Variants in EGLN2 observed in about 807,000 individuals in gnomAD.
The protein encoded by EGLN2 is prolyl hydroxylase EGLN2.
A neutral mutation model predicts 38.2 loss-of-function variants in EGLN2; 15 were observed. The observed-to-expected ratio is 0.39, with a 90% CI of 0.26 to 0.60. The LOEUF (loss-of-function observed/expected upper bound fraction) is 0.60. EGLN2 is among the 20% of genes least tolerant of loss of function. The pLI, the probability that EGLN2 is intolerant of heterozygous loss-of-function variation, is 0.50. For missense variants in EGLN2, 492 were observed against 570.4 expected (o/e 0.86, Z 1.40); for synonymous variants, 284 against 237.4 (o/e 1.20, Z -1.81).
intron 1 of EGLN2, 74 bp from the exon 2 acceptor site, chr19:40,800,265 A>G (rs1052499323): frequency 3.1e-5 from 11 of 359,506 alleles, no homozygotes; most frequent in Non-Finnish European, 5.2e-5. Context: ...ACTCCTGCCC[A>G]TACCATCCCG....
intron 2 of EGLN2, among the ~76,000 whole-genome samples, chr19:40,801,651 C>CTT (rs58809253): frequency 0.03 from 3,113 of 102,434 alleles, 67 homozygotes; most frequent in Non-Finnish European, 0.041. Flanking sequence ...CACAGTGGTT[C>CTT]TTTTTTTTTT....
chr19:40,801,550 G>T, intron 2 of EGLN2, 135 bp downstream of exon 2: 1 of 1,292,320 alleles, frequency 7.7e-7, no homozygotes, highest in Non-Finnish European at 1.0e-6. Context: ...AGTGGAGTGG[G>T]TATGCTTACT....
chr19:40,806,679 G>A lies in EGLN2; in HGVS notation c.963+5G>A. ...AATCAGAACTGGGACGTTAAGGTAG[G>A]GGTGAGGGTGAGGGTGAGGGTGGCG... On this transcript the variant is annotated splice_donor_5th_base_variant and intron_variant, in intron 3 of 5. Transcript: ENST00000303961. 1 of 1,611,628 alleles carries A rather than the reference G, an allele frequency of 6.2e-7. No individual in the cohort carries two copies. The highest frequency in any genetic ancestry group is 1.1e-5 in the South Asian group (1 of 90,964).
intron 3 of EGLN2, 148 bp from the exon 4 acceptor site, chr19:40,806,990 C>A: frequency 8.0e-7 from 1 of 1,255,962 alleles, no homozygotes; most frequent in Non-Finnish European, 1.1e-6. Context: ...GTGATGCAGT[C>A]TCTGGGTTGT....
intron 2 of EGLN2, 91 bp downstream of exon 2, chr19:40,801,506 G>C (rs1199293490): frequency 6.6e-7 from 1 of 1,515,520 alleles, no homozygotes; most frequent in African/African-American, 1.4e-5. Flanking sequence ...TTGGAGACAG[G>C]CTTCTGGGAG....
chr19:40,802,366 C>T (rs1219708690), intron 2 of EGLN2, among the ~76,000 whole-genome samples: 2 of 152,162 alleles, frequency 1.3e-5, no homozygotes, highest in Non-Finnish European at 2.9e-5. Flanking sequence ...CCATGTCTCC[C>T]ACCCTTCACT....
intron 1 of EGLN2, 34 bp from the exon 2 acceptor site, chr19:40,800,305 C>T (rs2083244590): frequency 2.3e-6 from 1 of 440,440 alleles, no homozygotes; most frequent in East Asian, 3.5e-5. Context: ...TCTCTAGTTT[C>T]TCTCACATCC....
rs920211641 is a variant in EGLN2 at position 40,807,824 on chromosome 19, G to A, written c.1184G>A (p.Gly395Asp). Residue 395 changes from glycine to aspartate, a missense_variant, in exon 6 of 6, where the codon GGT becomes GAT. Physicochemically the swap from Gly to Asp is moderately conservative, Grantham distance 94 (BLOSUM62 -1). Transcript: ENST00000303961. ...DKYQLASGQK[G>D]VQVPVSQPPT... ...TCACCCCCAGCATCAGGACAGAAAG[G>A]TGTCCAAGTACCTGTATCACAGCCG... is the stretch of plus-strand genomic sequence containing the variant. 6.2e-7 allele frequency: 1 copy of A among 1,614,128 alleles called. No individual in the cohort carries two copies. Among genetic ancestry groups the A allele is most frequent in the Admixed American group, 1.7e-5 (1 of 59,998 alleles).
Position 40,800,914 on chromosome 19 carries a change from T to A in EGLN2, c.342T>A (p.Pro114=). 9 of 1,609,612 alleles carry A rather than the reference T, an allele frequency of 5.6e-6. No individual in the cohort carries two copies. The highest frequency in any genetic ancestry group is 6.8e-6 in the Non-Finnish European group (8 of 1,178,458). ...GATTGGCAGCCCAGGGCGCACGGCC[T>A]GAGGCCCCCAAACGGAAATGGGCCG... ...CQRLAAQGAR[P]EAPKRKWAED... Residue 114 remains proline, a synonymous_variant, in exon 2 of 6, where the codon CCT becomes CCA. Transcript: ENST00000303961.
chr19:40,799,632 TCTCCGGGTGCGTGCACCCTC>T (rs1167244961), intron 1 of EGLN2: 1 of 152,098 alleles, frequency 6.6e-6, no homozygotes, highest in African/African-American at 2.4e-5. Context: ...TCTCGTCCTG[TCTCCGGGTGCGTGCACCCTC>T]CTCCGTCCTT....
Position 40,800,996 on chromosome 19 carries a change from C to G in EGLN2, c.424C>G (p.Gln142Glu), listed in dbSNP as rs1403893583. 1.2e-6 allele frequency: 2 copies of G among 1,612,714 alleles called. No homozygotes were observed. Among genetic ancestry groups the G allele is most frequent in the East Asian group, 2.2e-5 (1 of 44,874 alleles). Residue 142 changes from glutamine to glutamate, a missense_variant, in exon 2 of 6, where the codon CAG becomes GAG. Physicochemically the swap from Gln to Glu is conservative, Grantham distance 29 (BLOSUM62 2). Transcript: ENST00000303961. ...SKRPWARQEN[Q>E]EAEREGGMSC... Reference sequence around the variant, plus strand: ...ACGGCCCTGGGCCAGGCAAGAGAACCAGGAGGCAGAGCGGGAGGGTGGCAT... The same window carrying G: ...ACGGCCCTGGGCCAGGCAAGAGAACGAGGAGGCAGAGCGGGAGGGTGGCAT...
rs551623860 is a variant in EGLN2 at position 40,801,094 on chromosome 19, C to G, written c.522C>G (p.Pro174=). 8 of 1,612,716 alleles carry G rather than the reference C, an allele frequency of 5.0e-6. No homozygotes were observed. Among genetic ancestry groups the G allele is most frequent in the Non-Finnish European group, 6.8e-6 (8 of 1,179,938 alleles). ...TGGAGGAGGCGCTGCCCTCTGCGCC[C>G]GAGCGCCTGGCCCTGGACTATATCG... ...GLMEEALPSA[P]ERLALDYIVP... is the part of the protein sequence containing the mutation. Residue 174 remains proline (P), a synonymous_variant, in exon 2 of 6, where the codon CCC becomes CCG. Coordinates refer to ENST00000303961, the MANE Select transcript of EGLN2 (RefSeq NM_080732.4).
rs1228124095 is a variant in EGLN2 at position 40,800,577 on chromosome 19, A to G, written c.5A>G (p.Asp2Gly). M[D>G]SPCQPQPLSQ... ...GGGGATGAAGACACTGCTGCCATGG[A>G]CAGCCCGTGCCAGCCGCAGCCCCTA... Residue 2 changes from aspartate (D) to glycine (G), a missense_variant, in exon 2 of 6, where the codon GAC becomes GGC. By Grantham distance (94) the Asp-to-Gly change is moderately conservative (BLOSUM62 -1). Transcript: ENST00000303961. 1.2e-5 allele frequency: 19 copies of G among 1,596,888 alleles called. No individual in the cohort carries two copies. Among genetic ancestry groups the G allele is most frequent in the Non-Finnish European group, 1.5e-5 (18 of 1,170,934 alleles).
Position 40,807,291 on chromosome 19 carries a change from T to G in EGLN2, c.1100+17T>G, listed in dbSNP as rs1175961637. The stretch of plus-strand genomic sequence containing the variant: ...TGCCACCAGGTATGACCTGTACTTC[T>G]GGAGACGCACCCAGGTGCTCCCCCT... On this transcript the variant is annotated intron_variant, in intron 4 of 5. Coordinates refer to ENST00000303961, the MANE Select transcript of EGLN2 (RefSeq NM_080732.4). The G allele has an allele frequency of 1.9e-6, 3 of 1,614,064 alleles. No homozygotes were observed. The highest frequency in any genetic ancestry group is 4.5e-5 in the East Asian group (2 of 44,878).
Position 40,801,427 on chromosome 19 carries a change from T to TG in EGLN2, c.843+17dup. The stretch of plus-strand genomic sequence containing the variant: ...ACGGGCGCACCAAGGTAAGGCTAGG[T>TG]GGGGGCCTCTTTGGAGGGGCTTTGC... On this transcript the variant is annotated intron_variant, in intron 2 of 5. Transcript: ENST00000303961. The TG allele has an allele frequency of 6.3e-7, 1 of 1,595,788 alleles. No individual in the cohort carries two copies. The highest frequency in any genetic ancestry group is 8.5e-7 in the Non-Finnish European group (1 of 1,174,926).
At position 40,801,197 on chromosome 19, in the gene EGLN2, G is replaced by A. The variant is rs1875736578; in HGVS notation, c.625G>A (p.Glu209Lys). 2 of 1,612,536 alleles carry A rather than the reference G, an allele frequency of 1.2e-6. No homozygotes were observed. The highest frequency in any genetic ancestry group is 1.7e-5 in the Admixed American group (1 of 60,002). ...AGCACTGGGCGGTCGCGTGCTGGCC[G>A]AGGTGGAGGCCCTCAAACGGGGTGG... ...GAALGGRVLA[E>K]VEALKRGGRL... Residue 209 changes from glutamate to lysine, a missense_variant, in exon 2 of 6, where the codon GAG becomes AAG. This residue lies in a region of EGLN2 where 378 missense variants were observed against 386.2 expected (regional missense o/e 0.98). Coordinates refer to ENST00000303961, the MANE Select transcript of EGLN2 (RefSeq NM_080732.4).
At position 40,800,538 on chromosome 19, in the gene EGLN2, GC is replaced by G; in HGVS notation, c.-32del. 6.5e-7 allele frequency: 1 copy of G among 1,539,406 alleles called. No homozygotes were observed. The stretch of plus-strand genomic sequence containing the variant: ...GGGTGGCACCATGGGCCCGGGCGGT[GC>G]CCTCCATGCCCGGGGGATGAAGACA... On this transcript the variant is annotated 5_prime_UTR_variant, in exon 2 of 6. The change creates a premature stop within an existing upstream ORF in the 5' untranslated region. Coordinates refer to ENST00000303961, the MANE Select transcript of EGLN2 (RefSeq NM_080732.4).
chr19:40,808,143 A>C lies in EGLN2; in HGVS notation c.*279A>C. On this transcript the variant is annotated 3_prime_UTR_variant, in exon 6 of 6. Transcript: ENST00000303961. The stretch of plus-strand genomic sequence containing the variant: ...CTGGGTCCTACCCTGTCTGGTCATG[A>C]CCCCATTAGGTATGGAGAGCTGGGA... 1.8e-6 allele frequency: 1 copy of C among 543,206 alleles called. No individual in the cohort carries two copies. The highest frequency in any genetic ancestry group is 3.3e-6 in the Non-Finnish European group (1 of 304,864). 33.6% of individuals were successfully genotyped at this position (543,206 alleles called of 1,614,324 possible).
intron 2 of EGLN2, chr19:40,806,093 T>C (rs2083298821): frequency 6.3e-6 from 1 of 158,798 alleles, no homozygotes; most frequent in Non-Finnish European, 1.4e-5. Flanking sequence ...TTCAGGCCCT[T>C]CCTTAGGCCA....
Sources: allele counts gnomAD v4.1 joint callset (sites outside exome capture counted in the v4.1 genomes callset), GRCh38; gene constraint gnomAD v4.1.1; regional missense constraint gnomAD v4.1.1; transcripts MANE v1.5; gene names NCBI Gene and HGNC (gene_info 2026-07-23, HGNC 2026-07-21).